Variants in MAML3 observed in about 807,000 individuals in gnomAD.
MAML3 encodes mastermind-like protein 3.
A neutral mutation model predicts 101.9 loss-of-function variants in MAML3; 27 were observed. The observed-to-expected ratio is 0.27, with a 90% CI of 0.20 to 0.37. The LOEUF (loss-of-function observed/expected upper bound fraction) is 0.37. MAML3 is among the 10% of genes least tolerant of loss of function. The pLI is 1.00. For synonymous variants in MAML3, 501 were observed against 555.9 expected (o/e 0.90, Z 1.39); for missense variants, 1,316 against 1,444.9 (o/e 0.91, Z 1.45).
chr4:139,762,232 G>C (rs80072500), intron 2 of MAML3, among the ~76,000 whole-genome samples: 1 of 152,120 alleles, frequency 6.6e-6, no homozygotes, highest in Non-Finnish European at 1.5e-5. Flanking sequence ...TATATCCCCC[G>C]TGTCTAGCCC....
chr4:140,088,654 A>G (rs1727996031), intron 1 of MAML3, among the ~76,000 whole-genome samples: 2 of 152,194 alleles, frequency 1.3e-5, no homozygotes, highest in African/African-American at 4.8e-5. Context: ...CTGACAAACC[A>G]TATCCCAACT....
intron 1 of MAML3, among the ~76,000 whole-genome samples, chr4:140,121,282 T>G (rs747739052): frequency 1.8e-4 from 28 of 152,234 alleles, no homozygotes; most frequent in Non-Finnish European, 3.4e-4. Context: ...AGGTGAAATT[T>G]AAAATGTTAA....
chr4:140,066,423 A>G (rs1727537176), intron 1 of MAML3, among the ~76,000 whole-genome samples: 1 of 152,214 alleles, frequency 6.6e-6, no homozygotes, highest in Non-Finnish European at 1.5e-5. Flanking sequence ...GCATCGCTCT[A>G]CTTGCTGTTC....
intron 2 of MAML3, among the ~76,000 whole-genome samples, chr4:139,884,625 T>C (rs1732287266): frequency 6.6e-6 from 1 of 152,248 alleles, no homozygotes; most frequent in African/African-American, 2.4e-5. Context: ...GTTTTTTGTT[T>C]GTCAGACACA....
intron 1 of MAML3, among the ~76,000 whole-genome samples, chr4:140,146,366 A>T (rs564694477): frequency 6.5e-4 from 99 of 152,294 alleles, no homozygotes; most frequent in African/African-American, 2.3e-3. Context: ...AGTAGACTTT[A>T]AAAAAAGTGT....
chr4:139,942,230 A>G (rs1733622378), intron 1 of MAML3, among the ~76,000 whole-genome samples: 1 of 151,928 alleles, frequency 6.6e-6, no homozygotes, highest in Admixed American at 6.6e-5. Context: ...ATCCTTTAAT[A>G]CCAGAACAAA....
rs148792729 is a variant in MAML3 at position 140,010,335 on chromosome 4, T to G, written c.469-119368A>C. Among the ~76,000 whole-genome samples, 29 of 152,332 alleles carry G rather than the reference T, an allele frequency of 1.9e-4. No homozygotes were observed. In the East Asian group the frequency reaches 5.6e-3, roughly 29 times the overall value. On this transcript the variant is annotated intron_variant, in intron 1 of 4. Coordinates refer to ENST00000509479, the MANE Select transcript of MAML3 (RefSeq NM_018717.5). The stretch of plus-strand genomic sequence containing the variant: ...TGGGGTGACTGGAAATTTGTACCAC[T>G]GTTAAGCACACCTATACACACACAC...
chr4:139,895,303 C>T (rs1732587731), intron 1 of MAML3, among the ~76,000 whole-genome samples: 1 of 152,200 alleles, frequency 6.6e-6, no homozygotes, highest in African/African-American at 2.4e-5. Flanking sequence ...GGCTATGATA[C>T]CTTCCATTAG....
intron 2 of MAML3, among the ~76,000 whole-genome samples, chr4:139,734,085 A>T (rs768032292): frequency 6.6e-6 from 1 of 152,192 alleles, no homozygotes; most frequent in Non-Finnish European, 1.5e-5. Context: ...AGAGACACCT[A>T]CAGCCCCCGA....
intron 2 of MAML3, among the ~76,000 whole-genome samples, chr4:139,772,096 T>C (rs372817459): frequency 2.9e-4 from 44 of 150,172 alleles, no homozygotes; most frequent in East Asian, 4.1e-4. Flanking sequence ...AAAAATTAGC[T>C]GGGCGCGGTG....
chr4:139,723,699 TC>T (rs956286073), intron 4 of MAML3, among the ~76,000 whole-genome samples: 2 of 152,024 alleles, frequency 1.3e-5, no homozygotes, highest in African/African-American at 2.4e-5. Context: ...ATTAAATAAT[TC>T]CCCTTTTCCC....
At chr4:139,792,549 A>G (rs1004317663) in intron 2 of MAML3, among the ~76,000 whole-genome samples, 3 of 152,214 alleles carry the variant, frequency 2.0e-5, no homozygotes, top group Non-Finnish European at 4.4e-5. Flanking sequence ...GATATACAGC[A>G]TTTAAAATGT....
At chr4:140,091,071 ACAAC>A (rs1002140176) in intron 1 of MAML3, among the ~76,000 whole-genome samples, 46 of 16,266 alleles carry the variant, frequency 2.8e-3, no homozygotes, top group Admixed American at 0.025. Flanking sequence ...CAAAACAACA[ACAAC>A]AAACAACAAA....
chr4:139,943,975 A>G (rs1225998778), intron 1 of MAML3, among the ~76,000 whole-genome samples: 1 of 146,284 alleles, frequency 6.8e-6, no homozygotes, highest in African/African-American at 2.6e-5. Flanking sequence ...GGTTCAAGCG[A>G]TTCTCCTGCC....
intron 1 of MAML3, among the ~76,000 whole-genome samples, chr4:139,952,603 G>A (rs58491357): frequency 0.021 from 3,156 of 152,290 alleles, 104 homozygotes; most frequent in African/African-American, 0.071. Flanking sequence ...AAAAATTGCA[G>A]CAGAAATGGC....
chr4:140,104,408 A>AC (rs368174569), intron 1 of MAML3, among the ~76,000 whole-genome samples: 7 of 54,986 alleles, frequency 1.3e-4, no homozygotes, highest in Non-Finnish European at 2.3e-4. Flanking sequence ...TATAATATAT[A>AC]ATATAATATA....
At chr4:139,961,663 T>C (rs1734015623) in intron 1 of MAML3, among the ~76,000 whole-genome samples, 1 of 152,214 alleles carries the variant, frequency 6.6e-6, no homozygotes, top group Admixed American at 6.5e-5. Context: ...ACGTGTGACT[T>C]CCTTACTGAT....
chr4:139,747,925 A>G (rs1401685878), intron 2 of MAML3, among the ~76,000 whole-genome samples: 1 of 141,402 alleles, frequency 7.1e-6, no homozygotes, highest in Non-Finnish European at 1.5e-5. Flanking sequence ...ATGGTGGTGG[A>G]TGCCTATAAT....
intron 2 of MAML3, chr4:139,888,537 A>G: frequency 1.9e-6 from 1 of 518,950 alleles, no homozygotes; most frequent in Non-Finnish European, 3.8e-6. Flanking sequence ...GCTGTTTGCC[A>G]CTGGTCAGGA....
Sources: gnomAD v4.1 joint callset for allele counts (sites outside exome capture counted in the v4.1 genomes callset) on GRCh38, gnomAD v4.1.1 for gene constraint, MANE v1.5 for transcripts, NCBI Gene and HGNC (gene_info 2026-07-23, HGNC 2026-07-21) for gene names.